Variants in PRKN observed in about 807,000 individuals in gnomAD.
The protein encoded by PRKN is E3 ubiquitin-protein ligase parkin.
Under a neutral mutation model 59.5 loss-of-function variants are expected in PRKN, and 56 were observed. The ratio of observed to expected loss-of-function variants is 0.94; its 90% confidence interval spans 0.76 to 1.18. The LOEUF is 1.18. Ranked by LOEUF, PRKN falls within the 50% of genes most tolerant of loss-of-function variation. The pLI, the probability that PRKN is intolerant of heterozygous loss-of-function variation, is 0.00. For missense variants in PRKN, 657 were observed against 596.4 expected (o/e 1.10, Z -1.06); for synonymous variants, 250 against 222.1 (o/e 1.13, Z -1.12).
At chr6:162,490,598 G>C (rs756733163) in intron 1 of PRKN, among the ~76,000 whole-genome samples, 2 of 151,996 alleles carry the variant, frequency 1.3e-5, no homozygotes, top group African/African-American at 4.8e-5. Context: ...AAAACAAAAC[G>C]AATTTCATGC....
chr6:162,305,226 T>C (rs562273490), intron 2 of PRKN, among the ~76,000 whole-genome samples: 8 of 152,272 alleles, frequency 5.3e-5, no homozygotes, highest in African/African-American at 1.7e-4. Flanking sequence ...TCATGGCTAA[T>C]TATGCCCTCA....
chr6:161,680,758 TATATATATATATATATA>T (rs1407811580), intron 7 of PRKN, among the ~76,000 whole-genome samples: 492 of 18,266 alleles, frequency 0.027, 19 homozygotes, highest in African/African-American at 0.047. Context: ...TATATATATA[TATATATATATATATATA>T]TTTTTTTTTT....
At chr6:162,223,616 C>T (rs1583222970) in intron 3 of PRKN, among the ~76,000 whole-genome samples, 1 of 82,292 alleles carries the variant, frequency 1.2e-5, no homozygotes, top group Non-Finnish European at 2.1e-5. Context: ...ACACGTGACA[C>T]ACACACACAC....
intron 4 of PRKN, among the ~76,000 whole-genome samples, chr6:162,059,618 A>C (rs1778011656): frequency 1.3e-5 from 2 of 152,250 alleles, no homozygotes; most frequent in Admixed American, 6.5e-5. Context: ...GCTATGGATG[A>C]TAATACGTCA....
chr6:162,111,248 G>A (rs540829022), intron 4 of PRKN, among the ~76,000 whole-genome samples: 6 of 152,150 alleles, frequency 3.9e-5, no homozygotes, highest in East Asian at 3.9e-4. Context: ...GGCAGATCAC[G>A]AGGTCAGGAG....
At chr6:161,534,185 A>C (rs1779327149) in intron 9 of PRKN, among the ~76,000 whole-genome samples, 1 of 152,070 alleles carries the variant, frequency 6.6e-6, no homozygotes, top group South Asian at 2.1e-4. Context: ...CCGTCGGCTA[A>C]TCATTCCTCC....
chr6:162,057,094 C>G (rs930289794), intron 4 of PRKN, among the ~76,000 whole-genome samples: 1 of 152,008 alleles, frequency 6.6e-6, no homozygotes, highest in Non-Finnish European at 1.5e-5. Context: ...CAGGACATGA[C>G]GACATAGGAT....
chr6:162,293,647 C>G (rs1781536618), intron 2 of PRKN, among the ~76,000 whole-genome samples: 1 of 151,906 alleles, frequency 6.6e-6, no homozygotes, highest in Admixed American at 6.6e-5. Flanking sequence ...GATGGGGACA[C>G]AGAGGGCTCT....
In PRKN at chr6:161,407,272, A is replaced by G. The variant is rs1787321340; in HGVS notation, c.1084-20395T>C. 6.6e-6 allele frequency among the ~76,000 whole-genome samples: 1 copy of G among 152,106 alleles called. No homozygotes were observed. The highest frequency in any genetic ancestry group is 1.5e-5 in the Non-Finnish European group (1 of 68,036). On this transcript the variant is annotated intron_variant, in intron 9 of 11. Transcript: ENST00000366898. This position sits in a 1 kb window ranked among gnomAD's most constrained non-coding sequence, Gnocchi z 4.9. ...GAGTGAGTCATAAATATAGAAACGC[A>G]CTGACTTGATAAATAAGAAACAATA...
chr6:162,718,725 A>T (rs1348987952), intron 1 of PRKN, among the ~76,000 whole-genome samples: 4 of 152,152 alleles, frequency 2.6e-5, no homozygotes, highest in East Asian at 1.9e-4. Context: ...AAAAAAAAAA[A>T]TTTATTCCAG....
chr6:162,547,801 T>G (rs1187345230), intron 1 of PRKN, among the ~76,000 whole-genome samples: 1 of 151,924 alleles, frequency 6.6e-6, no homozygotes, highest in East Asian at 1.9e-4. Context: ...AGGGTGGTCT[T>G]GAACTCCTGA....
rs1779856436 is a variant in PRKN at position 161,548,017 on chromosome 6, C to T, written c.1083+837G>A. Reference sequence around the variant, plus strand: ...AGCCCCAAATCAAGACTGGCTAATACAACTCTGCTATCTGTGCTCCTTCTT... The same window carrying T: ...AGCCCCAAATCAAGACTGGCTAATATAACTCTGCTATCTGTGCTCCTTCTT... On this transcript the variant is annotated intron_variant, in intron 9 of 11. Transcript: ENST00000366898. The surrounding 1 kb of genome is among the most constrained non-coding windows in gnomAD (Gnocchi z 4.2). Among the ~76,000 whole-genome samples, 2 of 152,206 alleles carry T rather than the reference C, an allele frequency of 1.3e-5. No individual in the cohort carries two copies. Among genetic ancestry groups the T allele is most frequent in the East Asian group, 1.9e-4 (1 of 5,194 alleles).
intron 7 of PRKN, among the ~76,000 whole-genome samples, chr6:161,663,154 T>C (rs1360718406): frequency 6.6e-6 from 1 of 152,204 alleles, no homozygotes; most frequent in East Asian, 1.9e-4. Flanking sequence ...GGCTTCCCAG[T>C]CACGTGGAAC....
intron 1 of PRKN, among the ~76,000 whole-genome samples, chr6:162,619,316 AT>A (rs11436212): frequency 4.1e-5 from 6 of 147,658 alleles, no homozygotes; most frequent in South Asian, 2.2e-4. Flanking sequence ...CTAATTTTTA[AT>A]TTTTTTTTTT....
At chr6:162,716,782 ACG>A (rs747110353) in intron 1 of PRKN, among the ~76,000 whole-genome samples, 1 of 128,282 alleles carries the variant, frequency 7.8e-6, no homozygotes, top group Non-Finnish European at 1.6e-5. Flanking sequence ...GCACACACAC[ACG>A]CGCACACACA....
At chr6:162,507,424 GAAAAA>G (rs200666247) in intron 1 of PRKN, among the ~76,000 whole-genome samples, 1 of 151,618 alleles carries the variant, frequency 6.6e-6, no homozygotes, top group African/African-American at 2.4e-5. Flanking sequence ...AAAAAGAAAA[GAAAAA>G]AAATTATATA....
At chr6:161,852,317 G>A (rs941231907) in intron 6 of PRKN, among the ~76,000 whole-genome samples, 7 of 152,064 alleles carry the variant, frequency 4.6e-5, no homozygotes, top group African/African-American at 1.4e-4. Context: ...GAGCCAGGTG[G>A]TGGTGCAAGC....
chr6:162,623,313 G>T (rs543205396), intron 1 of PRKN, among the ~76,000 whole-genome samples: 1 of 151,942 alleles, frequency 6.6e-6, no homozygotes, highest in Admixed American at 6.6e-5. Flanking sequence ...TAATTTCAGA[G>T]AATTGATGAC....
At chr6:162,278,254 T>C (rs548683186) in intron 2 of PRKN, among the ~76,000 whole-genome samples, 26 of 152,182 alleles carry the variant, frequency 1.7e-4, no homozygotes, top group Admixed American at 2.6e-4. Flanking sequence ...TATAGAGACA[T>C]TGAAAATATC....
Sources: gnomAD v4.1 joint callset for allele counts (sites outside exome capture counted in the v4.1 genomes callset) on GRCh38, gnomAD v4.1.1 for gene constraint, Gnocchi (gnomAD v3.1) non-coding constraint, MANE v1.5 for transcripts, NCBI Gene and HGNC (gene_info 2026-07-23, HGNC 2026-07-21) for gene names.